COX7B2: variants seen among roughly 807,000 people sequenced by gnomAD.
The protein encoded by COX7B2 is cytochrome c oxidase subunit 7B2, mitochondrial.
For synonymous variants in COX7B2, 37 were observed against 32.1 expected (o/e 1.15, Z -0.51); for missense variants, 109 against 95.9 (o/e 1.14, Z -0.57).
At chr4:46,839,419 A>C (rs955679317) in intron 2 of COX7B2, among the ~76,000 whole-genome samples, 6 of 151,922 alleles carry the variant, frequency 3.9e-5, no homozygotes, top group Non-Finnish European at 8.8e-5. Flanking sequence ...CTTTTCACCA[A>C]TTTGGCTTTC....
At chr4:46,870,810 T>C (rs1717945090) in intron 1 of COX7B2, among the ~76,000 whole-genome samples, 1 of 152,094 alleles carries the variant, frequency 6.6e-6, no homozygotes, top group African/African-American at 2.4e-5. Context: ...CAATGAGAAT[T>C]CCAAAGCACT....
At chr4:46,841,870 A>G (rs187484613) in intron 2 of COX7B2, among the ~76,000 whole-genome samples, 5 of 152,104 alleles carry the variant, frequency 3.3e-5, no homozygotes, top group African/African-American at 1.2e-4. Context: ...AAATCAAAAA[A>G]TAATTCTTAA....
intron 1 of COX7B2, among the ~76,000 whole-genome samples, chr4:46,908,630 T>G (rs58730942): frequency 0.12 from 18,589 of 151,842 alleles, 1,673 homozygotes; most frequent in East Asian, 0.31. Flanking sequence ...TCCTTTTAAT[T>G]TTCCTTTTAC....
At chr4:46,769,237 C>G (rs1716730254) in intron 2 of COX7B2, among the ~76,000 whole-genome samples, 1 of 151,850 alleles carries the variant, frequency 6.6e-6, no homozygotes, top group South Asian at 2.1e-4. Flanking sequence ...GTAATATTAC[C>G]CTGATACCAA....
chr4:46,895,491 G>A (rs529764782), intron 1 of COX7B2, among the ~76,000 whole-genome samples: 4 of 152,016 alleles, frequency 2.6e-5, no homozygotes, highest in Non-Finnish European at 5.9e-5. Flanking sequence ...CCTACTTGAG[G>A]GTGGAGAGTA....
intron 2 of COX7B2, among the ~76,000 whole-genome samples, chr4:46,747,784 A>C (rs1715113236): frequency 6.6e-6 from 1 of 152,214 alleles, no homozygotes; most frequent in Non-Finnish European, 1.5e-5. Context: ...ATCACATTGG[A>C]ATAAAGCTCC....
intron 2 of COX7B2, among the ~76,000 whole-genome samples, chr4:46,812,961 A>T (rs1719362858): frequency 6.6e-6 from 1 of 152,056 alleles, no homozygotes; most frequent in South Asian, 2.1e-4. Flanking sequence ...CTGCTCCAGT[A>T]TGCCAGTGGC....
intron 1 of COX7B2, among the ~76,000 whole-genome samples, chr4:46,892,744 T>C (rs1372071536): frequency 2.0e-5 from 3 of 152,168 alleles, no homozygotes; most frequent in Non-Finnish European, 4.4e-5. Context: ...GTTTTGACTT[T>C]CGTTGTTGTG....
At position 46,901,257 on chromosome 4, in the gene COX7B2, G is replaced by A. The variant is rs1720054355; in HGVS notation, c.-105+7903C>T. On this transcript the variant is annotated intron_variant, in intron 1 of 2. Coordinates refer to ENST00000355591, the MANE Select transcript of COX7B2 (RefSeq NM_130902.3). Reference sequence around the variant, plus strand: ...TAAACATGGACTGCTACTAGAGCAGGTATTGAAAGTTATGGTCTCACCGAT... The same window carrying A: ...TAAACATGGACTGCTACTAGAGCAGATATTGAAAGTTATGGTCTCACCGAT... Among the ~76,000 whole-genome samples the A allele has an allele frequency of 2.6e-5, 4 of 152,144 alleles. No individual in the cohort carries two copies. In the South Asian group the frequency reaches 8.3e-4, roughly 31 times the overall value.
In COX7B2 at chr4:46,759,601, A is replaced by G. The variant is rs1716009436; in HGVS notation, c.-49-24360T>C. 2.6e-5 allele frequency among the ~76,000 whole-genome samples: 4 copies of G among 152,178 alleles called. No homozygotes were observed. In the South Asian group the frequency reaches 8.3e-4, roughly 32 times the overall value. On this transcript the variant is annotated intron_variant, in intron 2 of 2. Coordinates refer to ENST00000355591, the MANE Select transcript of COX7B2 (RefSeq NM_130902.3). ...CCAACAAACATATGAAAAAAAGCTC[A>G]TCATCGCTGGTCATCAGAGAAATGC...
At chr4:46,789,621 G>C (rs1038851569) in intron 2 of COX7B2, among the ~76,000 whole-genome samples, 1 of 152,072 alleles carries the variant, frequency 6.6e-6, no homozygotes, top group African/African-American at 2.4e-5. Context: ...CACTTCAACT[G>C]TTCCAAGTGA....
chr4:46,793,030 G>C (rs373696370), intron 2 of COX7B2, among the ~76,000 whole-genome samples: 132 of 152,328 alleles, frequency 8.7e-4, no homozygotes, highest in African/African-American at 3.0e-3. Flanking sequence ...ACAAAACACG[G>C]CTTGGCAGTC....
chr4:46,762,666 A>G (rs1262026334), intron 2 of COX7B2, among the ~76,000 whole-genome samples: 1 of 149,136 alleles, frequency 6.7e-6, no homozygotes, highest in African/African-American at 2.5e-5. Context: ...TGACCAATGT[A>G]TATTATTATT....
intron 1 of COX7B2, among the ~76,000 whole-genome samples, chr4:46,855,937 A>G (rs994842162): frequency 6.6e-6 from 1 of 152,250 alleles, no homozygotes; most frequent in Non-Finnish European, 1.5e-5. Context: ...AATAAGACAA[A>G]TTAATATTTA....
chr4:46,747,298 T>TTTTATATTTTATTTTA (rs1553878854), intron 2 of COX7B2, among the ~76,000 whole-genome samples: 1 of 149,268 alleles, frequency 6.7e-6, no homozygotes, highest in Non-Finnish European at 1.5e-5. Flanking sequence ...TTTTATTTTA[T>TTTTATATTTTATTTTA]TTTATTTTAT....
intron 1 of COX7B2, among the ~76,000 whole-genome samples, chr4:46,849,011 T>G (rs1716482882): frequency 6.6e-6 from 1 of 152,094 alleles, no homozygotes. Flanking sequence ...ACACCATTGT[T>G]AAGGGAATAA....
rs550382670 is a variant in COX7B2 at position 46,777,853 on chromosome 4, C to T, written c.-49-42612G>A. ...TTTCCTCAAAAATAGATGGAGATAA[C>T]ACTGGTGCTTACTTCATAAAGTTAA... On this transcript the variant is annotated intron_variant, in intron 2 of 2. Coordinates refer to ENST00000355591, the MANE Select transcript of COX7B2 (RefSeq NM_130902.3). 2.6e-5 allele frequency among the ~76,000 whole-genome samples: 4 copies of T among 152,234 alleles called. No individual in the cohort carries two copies. The South Asian group carries it at 8.3e-4, about 32-fold the overall frequency.
intron 2 of COX7B2, among the ~76,000 whole-genome samples, chr4:46,754,274 T>A (rs1175431227): frequency 2.0e-5 from 3 of 151,624 alleles, no homozygotes; most frequent in Admixed American, 1.3e-4. Context: ...GTATGTTTAT[T>A]GCAGCACTAT....
chr4:46,785,003 C>A (rs546149414), intron 2 of COX7B2, among the ~76,000 whole-genome samples: 1 of 152,218 alleles, frequency 6.6e-6, no homozygotes, highest in East Asian at 1.9e-4. Context: ...AAGGCACATG[C>A]ACAAATCTGG....
Sources: allele counts gnomAD v4.1 joint callset (sites outside exome capture counted in the v4.1 genomes callset), GRCh38; gene constraint gnomAD v4.1.1; transcripts MANE v1.5; gene names NCBI Gene and HGNC (gene_info 2026-07-23, HGNC 2026-07-21).